ROBO2: variants seen among roughly 807,000 people sequenced by gnomAD.
ROBO2 encodes the protein roundabout homolog 2.
ROBO2 carries 53 observed loss-of-function variants against 160.8 expected under a neutral mutation model. The ratio of observed to expected loss-of-function variants is 0.33; its 90% CI spans 0.26 to 0.41. The LOEUF is 0.41. ROBO2 is among the 10% of genes least tolerant of loss of function. The probability of loss-of-function intolerance (pLI) is 1.00; values close to 1 mark genes in which losing one functional copy is unlikely to be tolerated. For synonymous variants in ROBO2, 664 were observed against 611.7 expected, an observed-to-expected ratio of 1.09 and a Z score of -1.26; for missense variants, 1,577 against 1,722.4, an observed-to-expected ratio of 0.92 and a Z score of 1.49.
At chr3:77,425,813 G>A (rs984678983) in intron 2 of ROBO2, among the ~76,000 whole-genome samples, 10 of 151,646 alleles carry the variant, frequency 6.6e-5, no homozygotes, top group Admixed American at 2.0e-4. Flanking sequence ...ACAGGCATTC[G>A]ACACTACACC....
chr3:76,695,242 A>G (rs998026825), intron 2 of ROBO2, among the ~76,000 whole-genome samples: 2 of 152,200 alleles, frequency 1.3e-5, no homozygotes, highest in African/African-American at 4.8e-5. Context: ...AATGTTATTC[A>G]TCCCTTTGGA....
At chr3:77,306,882 T>C (rs1400428391) in intron 2 of ROBO2, among the ~76,000 whole-genome samples, 3 of 152,214 alleles carry the variant, frequency 2.0e-5, no homozygotes, top group Non-Finnish European at 1.5e-5. Context: ...ATGCTAATAG[T>C]GTTTCGCTTC....
At position 76,488,614 on chromosome 3, in the gene ROBO2, C is replaced by G. The variant is rs374014296; in HGVS notation, c.109+551012C>G. Among the ~76,000 whole-genome samples, 138 of 152,292 alleles carry G rather than the reference C, an allele frequency of 9.1e-4. 1 individual carries two copies. In the South Asian group the frequency reaches 0.028, roughly 31 times the overall value. Reference sequence around the variant, plus strand: ...GCTCATGTGATAAGGTCCATCCTATCTAAATACTCTCCCTTTAATTATATC... The same window carrying G: ...GCTCATGTGATAAGGTCCATCCTATGTAAATACTCTCCCTTTAATTATATC... On this transcript the variant is annotated intron_variant, in intron 2 of 26. Transcript: ENST00000487694.
chr3:76,961,555 G>T (rs1467669335), intron 2 of ROBO2, among the ~76,000 whole-genome samples: 1 of 152,072 alleles, frequency 6.6e-6, no homozygotes, highest in East Asian at 1.9e-4. Flanking sequence ...TGGTTAAGTG[G>T]AAGTGAACAC....
intron 2 of ROBO2, among the ~76,000 whole-genome samples, chr3:77,005,799 T>C (rs2061548284): frequency 6.6e-6 from 1 of 152,154 alleles, no homozygotes; most frequent in Non-Finnish European, 1.5e-5. Flanking sequence ...ATAAAGAAGA[T>C]TACGAAGCAA....
intron 2 of ROBO2, among the ~76,000 whole-genome samples, chr3:75,990,679 G>A (rs545144307): frequency 6.6e-6 from 1 of 152,280 alleles, no homozygotes; most frequent in African/African-American, 2.4e-5. Context: ...GGTAAGGTAA[G>A]AGTTGTATTT....
At chr3:77,649,754 C>T (rs1427899208) in exon 26 of ROBO2, 7 of 151,744 alleles carry the variant, frequency 4.6e-5, no homozygotes, top group South Asian at 2.1e-4. Flanking sequence ...ATTTTGTGGC[C>T]GTGGGTAGAC....
chr3:76,713,438 TC>T (rs1292281225), intron 2 of ROBO2, among the ~76,000 whole-genome samples: 3 of 152,138 alleles, frequency 2.0e-5, no homozygotes, highest in Non-Finnish European at 4.4e-5. Context: ...GGCTGTGTCT[TC>T]CCCCACTGAT....
intron 2 of ROBO2, among the ~76,000 whole-genome samples, chr3:76,452,027 C>G (rs540384993): frequency 6.6e-6 from 1 of 152,160 alleles, no homozygotes; most frequent in East Asian, 1.9e-4. Context: ...TGAATTTTAA[C>G]GTATCTGAGA....
chr3:76,283,103 A>G (rs932289819), intron 2 of ROBO2, among the ~76,000 whole-genome samples: 12 of 70,050 alleles, frequency 1.7e-4, no homozygotes, highest in African/African-American at 5.0e-4. Flanking sequence ...ACATAAATAA[A>G]TATAATAGTT....
chr3:76,480,524 A>C (rs933671158), intron 2 of ROBO2, among the ~76,000 whole-genome samples: 5 of 152,158 alleles, frequency 3.3e-5, no homozygotes, highest in Admixed American at 6.6e-5. Flanking sequence ...AGGTTTATAA[A>C]CAACAGAAAC....
intron 2 of ROBO2, among the ~76,000 whole-genome samples, chr3:77,225,460 A>T (rs1232171584): frequency 2.0e-5 from 3 of 151,874 alleles, no homozygotes; most frequent in Non-Finnish European, 2.9e-5. Context: ...TGTCTTCAAC[A>T]ATATGCTGGA....
intron 2 of ROBO2, among the ~76,000 whole-genome samples, chr3:75,941,194 A>C (rs1948038445): frequency 6.6e-6 from 1 of 152,128 alleles, no homozygotes; most frequent in Non-Finnish European, 1.5e-5. Context: ...ATCCTCAAGC[A>C]GTCCTCTAAC....
At chr3:76,075,711 C>T (rs1016826760) in intron 2 of ROBO2, among the ~76,000 whole-genome samples, 1 of 152,138 alleles carries the variant, frequency 6.6e-6, no homozygotes, top group African/African-American at 2.4e-5. Context: ...TCCTTAATGG[C>T]TCCCATGAGT....
intron 2 of ROBO2, among the ~76,000 whole-genome samples, chr3:76,842,201 A>G (rs187682088): frequency 1.1e-4 from 17 of 152,206 alleles, no homozygotes; most frequent in African/African-American, 4.1e-4. Flanking sequence ...TAAGATTGAA[A>G]ACGTTATTAC....
chr3:76,075,277 C>T (rs6778933), intron 2 of ROBO2, among the ~76,000 whole-genome samples: 1 of 151,322 alleles, frequency 6.6e-6, no homozygotes, highest in Admixed American at 6.6e-5. Context: ...GGAGGATGAA[C>T]GATTGTGTCC....
chr3:77,196,236 T>C (rs1319530726), intron 2 of ROBO2, among the ~76,000 whole-genome samples: 1 of 152,184 alleles, frequency 6.6e-6, no homozygotes, highest in Non-Finnish European at 1.5e-5. Flanking sequence ...ATTCCAGCTA[T>C]TATACATTGT....
At chr3:77,590,107 A>G (rs1247271636) in intron 17 of ROBO2, among the ~76,000 whole-genome samples, 1 of 152,134 alleles carries the variant, frequency 6.6e-6, no homozygotes, top group African/African-American at 2.4e-5. Flanking sequence ...ATGCATTTAT[A>G]TGTTTATGAT....
At chr3:76,321,903 C>T (rs1427865884) in intron 2 of ROBO2, among the ~76,000 whole-genome samples, 1 of 151,920 alleles carries the variant, frequency 6.6e-6, no homozygotes, top group African/African-American at 2.4e-5. Flanking sequence ...TCCCTCATTA[C>T]ATTTGCAAGA....
Sources: allele counts gnomAD v4.1 joint callset (sites outside exome capture counted in the v4.1 genomes callset), GRCh38; gene constraint gnomAD v4.1.1; transcripts MANE v1.5; gene names NCBI Gene and HGNC (gene_info 2026-07-23, HGNC 2026-07-21).